Variants in BTBD2 observed in about 807,000 individuals in gnomAD.
BTBD2 encodes BTB/POZ domain-containing protein 2.
A neutral mutation model predicts 44.0 loss-of-function variants in BTBD2; 15 were observed. The observed-to-expected ratio is 0.34, with a 90% confidence interval of 0.23 to 0.53. The LOEUF (loss-of-function observed/expected upper bound fraction) is 0.53. BTBD2 is among the 20% of genes least tolerant of loss of function. BTBD2 has a pLI of 0.95. For synonymous variants in BTBD2, 443 were observed against 335.9 expected (o/e 1.32, Z -3.49); for missense variants, 657 against 746.4 (o/e 0.88, Z 1.39).
At chr19:1,994,954 T>G (rs1244741516) in intron 2 of BTBD2, among the ~76,000 whole-genome samples, 1 of 152,016 alleles carries the variant, frequency 6.6e-6, no homozygotes, top group African/African-American at 2.4e-5. Context: ...TCATGAAGAT[T>G]TGATTCTGGT....
Position 1,985,869 on chromosome 19 carries a change from G to T in BTBD2, c.*619C>A. 1 of 153,714 alleles carries T rather than the reference G, an allele frequency of 6.5e-6. No homozygotes were observed. Among genetic ancestry groups the T allele is most frequent in the Non-Finnish European group, 1.4e-5 (1 of 69,050 alleles). 9.5% of individuals were successfully genotyped at this position (153,714 alleles called of 1,614,324 possible). ...GCAAACCGCTCACCACCTGGGCCAG[G>T]GCTAGGCCTATCCGGCAGGGGCCGT... On this transcript the variant is annotated 3_prime_UTR_variant, in exon 9 of 9. Coordinates refer to ENST00000255608, the MANE Select transcript of BTBD2 (RefSeq NM_017797.4).
rs561543725 is a variant in BTBD2 at position 1,986,917 on chromosome 19, G to A, written c.1329C>T (p.Asp443=). The A allele has an allele frequency of 7.0e-5, 113 of 1,613,250 alleles. No individual in the cohort carries two copies. Among genetic ancestry groups the A allele is most frequent in the South Asian group, 6.8e-4 (62 of 91,076 alleles). Reference sequence around the variant, plus strand: ...TGACGCGGAAGGTGCTGGCTGAGCCGTCGCAGCTGAAGCCCGTGTCGTTCT... The same window carrying A: ...TGACGCGGAAGGTGCTGGCTGAGCCATCGCAGCTGAAGCCCGTGTCGTTCT... The part of the protein sequence containing the change: ...LGQNDTGFSC[D]GSASTFRVMF... Residue 443 remains aspartate, a synonymous_variant, in exon 8 of 9, where the codon GAC becomes GAT. Coordinates refer to ENST00000255608, the MANE Select transcript of BTBD2 (RefSeq NM_017797.4).
chr19:2,014,659 G>A (rs2016509477), intron 1 of BTBD2: 1 of 153,602 alleles, frequency 6.5e-6, no homozygotes, highest in African/African-American at 2.5e-5. Context: ...CCTGAGGATG[G>A]GGTATTCAGG....
At chr19:1,992,783 G>C (rs1248346435) in intron 3 of BTBD2, among the ~76,000 whole-genome samples, 1 of 152,070 alleles carries the variant, frequency 6.6e-6, no homozygotes, top group Non-Finnish European at 1.5e-5. Flanking sequence ...TGTTGGCCAG[G>C]CTGGTCTGGA....
chr19:1,990,516 G>C, intron 4 of BTBD2: 1 of 619,032 alleles, frequency 1.6e-6, no homozygotes, highest in Non-Finnish European at 2.8e-6. Context: ...TGGGATGGTG[G>C]GCTCTGGCCT....
chr19:2,004,288 CT>C (rs60580646), intron 1 of BTBD2, among the ~76,000 whole-genome samples: 62,868 of 133,288 alleles, frequency 0.47, 14,199 homozygotes, highest in Middle Eastern at 0.57. Context: ...GCAAAACAAA[CT>C]TTTTTTTTTT....
In BTBD2 at chr19:1,986,557, G is replaced by A. The variant is rs138402442; in HGVS notation, c.1509C>T (p.Tyr503=). 72 of 1,614,082 alleles carry A rather than the reference G, an allele frequency of 4.5e-5. No homozygotes were observed. The highest frequency in any genetic ancestry group is 3.2e-4 in the African/African-American group (24 of 75,074). ...ATGTGCCATTGTTGTTCCCGGCCGC[G>A]TAGCAAAAGGTGAAGCAGGTCTTGG... ...TGAKTCFTFC[Y]AAGNNNGTSV... Residue 503 remains tyrosine, a synonymous_variant, in exon 9 of 9, where the codon TAC becomes TAT. Coordinates refer to ENST00000255608, the MANE Select transcript of BTBD2 (RefSeq NM_017797.4).
chr19:2,004,708 G>A (rs1220965043), intron 1 of BTBD2, among the ~76,000 whole-genome samples: 1 of 151,722 alleles, frequency 6.6e-6, no homozygotes, highest in Admixed American at 6.6e-5. Flanking sequence ...GCCAGGAGCA[G>A]TGGCTCATGC....
rs577932884 is a variant in BTBD2, at chr19:1,996,963, A to T, written c.527+381T>A. On this transcript the variant is annotated intron_variant, in intron 2 of 8. Transcript: ENST00000255608. ...TTTGGGAGGCTGAGGTGGGTGGATC[A>T]TGATGTCAGATCGAGACCATCCTGA... is the stretch of plus-strand genomic sequence containing the variant. Among the ~76,000 whole-genome samples the T allele has an allele frequency of 3.2e-4, 48 of 152,262 alleles. 2 individuals carry two copies. Among genetic ancestry groups the T allele is most frequent in the African/African-American group, 1.1e-3 (47 of 41,556 alleles).
chr19:1,986,404 G>T lies in BTBD2; in HGVS notation c.*84C>A. 1 of 1,543,154 alleles carries T rather than the reference G, an allele frequency of 6.5e-7. No homozygotes were observed. On this transcript the variant is annotated 3_prime_UTR_variant, in exon 9 of 9. Transcript: ENST00000255608. ...TGGGGGACACTGGGCCTGGCACCGC[G>T]TGGTGGGGGGGCCCCAGCAGCAGAT...
Position 1,993,052 on chromosome 19 carries a change from G to T in BTBD2, c.652C>A (p.Arg218=), listed in dbSNP as rs765425449. 3 of 1,596,236 alleles carry T rather than the reference G, an allele frequency of 1.9e-6. No homozygotes were observed. The highest frequency in any genetic ancestry group is 2.6e-6 in the Non-Finnish European group (3 of 1,174,816). Residue 218 remains arginine, a synonymous_variant, in exon 3 of 9, where the codon CGA becomes AGA. Transcript: ENST00000255608. ...AGCAGCATGAAGGCGTTGTCGGCTC[G>T]CAGGTTCTTCTTCAGGAACTCCACG... is the stretch of plus-strand genomic sequence containing the variant. The part of the protein sequence containing the change: ...HCVEFLKKNL[R]ADNAFMLLTQ...
chr19:1,998,183 C>G (rs1269572614), intron 1 of BTBD2, among the ~76,000 whole-genome samples: 3 of 152,240 alleles, frequency 2.0e-5, no homozygotes, highest in Admixed American at 2.0e-4. Flanking sequence ...TACTCTCTAT[C>G]ACTCTCCTGC....
intron 1 of BTBD2, among the ~76,000 whole-genome samples, chr19:2,002,308 T>C (rs1429069470): frequency 6.6e-6 from 1 of 152,204 alleles, no homozygotes. Context: ...CTCAAACCCC[T>C]GGGCTCAAGC....
intron 1 of BTBD2, among the ~76,000 whole-genome samples, chr19:2,007,242 C>A (rs897658360): frequency 6.6e-6 from 1 of 152,188 alleles, no homozygotes; most frequent in Non-Finnish European, 1.5e-5. Flanking sequence ...ACTCCTGCCT[C>A]GGCCTCCGAA....
At chr19:1,993,327 TC>T in intron 2 of BTBD2, 151 bp from the exon 3 acceptor site, 2 of 1,179,484 alleles carry the variant, frequency 1.7e-6, no homozygotes, top group African/African-American at 1.6e-5. Flanking sequence ...CGAGGAACCT[TC>T]CAGAATTAGC....
intron 1 of BTBD2, among the ~76,000 whole-genome samples, chr19:2,002,217 A>C (rs1392062884): frequency 6.6e-6 from 1 of 152,080 alleles, no homozygotes; most frequent in Non-Finnish European, 1.5e-5. Flanking sequence ...GGTAGCTGGG[A>C]ACACACACAC....
intron 1 of BTBD2, among the ~76,000 whole-genome samples, chr19:2,009,163 C>T (rs1287702871): frequency 4.0e-5 from 6 of 150,468 alleles, no homozygotes; most frequent in African/African-American, 1.5e-4. Flanking sequence ...GGGTTACAGG[C>T]GCTCGCCACC....
intron 3 of BTBD2, 39 bp downstream of exon 3, chr19:1,992,981 G>T: frequency 4.0e-6 from 2 of 505,194 alleles, no homozygotes; most frequent in Non-Finnish European, 5.9e-6. Context: ...CCTCCAGCCA[G>T]GCCTGGCCCC....
chr19:2,006,638 CA>C (rs2016398315), intron 1 of BTBD2, among the ~76,000 whole-genome samples: 1 of 152,068 alleles, frequency 6.6e-6, no homozygotes. Flanking sequence ...CCAGGGCTGG[CA>C]AACTATGGCC....
Sources: gnomAD v4.1 joint callset for allele counts (sites outside exome capture counted in the v4.1 genomes callset) on GRCh38, gnomAD v4.1.1 for gene constraint, MANE v1.5 for transcripts, NCBI Gene and HGNC (gene_info 2026-07-23, HGNC 2026-07-21) for gene names.